Variants in PPM1G observed in about 807,000 individuals in gnomAD.
PPM1G encodes the protein protein phosphatase, Mg2+/Mn2+ dependent 1G.
A neutral mutation model predicts 59.4 loss-of-function variants in PPM1G; 12 were observed. The ratio of observed to expected loss-of-function variants is 0.20; its 90% CI spans 0.13 to 0.33. The LOEUF (loss-of-function observed/expected upper bound fraction) is 0.33, where lower values mean the gene tolerates loss of function less well. PPM1G is among the 10% of genes least tolerant of loss of function. PPM1G has a pLI of 1.00. For missense variants in PPM1G, 392 were observed against 681.3 expected (o/e 0.58, Z 4.73); for synonymous variants, 245 against 251.9 (o/e 0.97, Z 0.26).
Position 27,382,046 on chromosome 2 carries a change from T to C in PPM1G, c.1434+80A>G, listed in dbSNP as rs147568369. ...AGCAATTACTGATAATGCTCCCAGA[T>C]TGCCGACTTAGCTCAGATTAAAAGA... On this transcript the variant is annotated intron_variant, in intron 9 of 9. Transcript: ENST00000344034. This position sits in a 1 kb window ranked among gnomAD's most constrained non-coding sequence, Gnocchi z 4.2. 53 of 1,390,946 alleles carry C rather than the reference T, an allele frequency of 3.8e-5. No individual in the cohort carries two copies. The Admixed American group carries it at 4.0e-4, about 11-fold the overall frequency. The allele number at this position is 1,390,946 out of a possible 1,614,324, so 86.2% of individuals were successfully genotyped here.
chr2:27,382,132 C>T lies in PPM1G; in HGVS notation c.1428G>A (p.Val476=). 1 of 1,613,938 alleles carries T rather than the reference C, an allele frequency of 6.2e-7. No homozygotes were observed. The highest frequency in any genetic ancestry group is 1.1e-5 in the South Asian group (1 of 91,078). ...NGELRLLSSI[V]EELLDQCLAP... Reference sequence around the variant, plus strand: ...TCTCCACCCTGGTACTCACCTCTTCCACAATGGATGACAATAACCGAAGCT... The same window carrying T: ...TCTCCACCCTGGTACTCACCTCTTCTACAATGGATGACAATAACCGAAGCT... Residue 476 remains valine (V), a synonymous_variant, in exon 9 of 10, where the codon GTG becomes GTA. Coordinates refer to ENST00000344034, the MANE Select transcript of PPM1G (RefSeq NM_177983.3). This position sits in a 1 kb window ranked among gnomAD's most constrained non-coding sequence, Gnocchi z 4.2.
At chr2:27,392,880 G>T in intron 1 of PPM1G, 1 of 1,432,366 alleles carries the variant, frequency 7.0e-7, no homozygotes, top group Non-Finnish European at 9.7e-7. Flanking sequence ...TGTTGGTCAC[G>T]TGGTCACCCA....
chr2:27,387,970 T>C (rs180909618), intron 1 of PPM1G, among the ~76,000 whole-genome samples: 4 of 152,062 alleles, frequency 2.6e-5, no homozygotes, highest in Admixed American at 2.0e-4. Flanking sequence ...GGCTAATTTT[T>C]TGTATTTTTA....
In PPM1G at chr2:27,384,383, C is replaced by G. The variant is rs556037626; in HGVS notation, c.825+290G>C. ...AAAATAAATTTTCCAGAGAAGAAAACAGTCAACTAGCCAAGGTAACAACTA... is the reference window on the plus strand; with the variant it reads ...AAAATAAATTTTCCAGAGAAGAAAAGAGTCAACTAGCCAAGGTAACAACTA... On this transcript the variant is annotated intron_variant, in intron 5 of 9. Coordinates refer to ENST00000344034, the MANE Select transcript of PPM1G (RefSeq NM_177983.3). This position sits in a 1 kb window ranked among gnomAD's most constrained non-coding sequence, Gnocchi z 4.8. 6.6e-6 allele frequency among the ~76,000 whole-genome samples: 1 copy of G among 152,204 alleles called. No homozygotes were observed. Among genetic ancestry groups the G allele is most frequent in the African/African-American group, 2.4e-5 (1 of 41,446 alleles).
chr2:27,399,173 A>AACAACAACAACAAC (rs1278435300), intron 1 of PPM1G, among the ~76,000 whole-genome samples: 41 of 99,938 alleles, frequency 4.1e-4, no homozygotes, highest in African/African-American at 1.8e-3. Context: ...ACAACAACAA[A>AACAACAACAACAAC]AACAAAACAA....
Position 27,385,581 on chromosome 2 carries a change from C to T in PPM1G, c.409+166G>A, listed in dbSNP as rs1173808048. The T allele has an allele frequency of 1.1e-5, 9 of 836,910 alleles. No individual in the cohort carries two copies. Among genetic ancestry groups the T allele is most frequent in the Admixed American group, 3.1e-5 (1 of 32,072 alleles). The allele number at this position is 836,910 out of a possible 1,614,324, so 51.8% of individuals were successfully genotyped here. A position where few individuals can be genotyped will look rare whatever the true frequency, so the allele number is the denominator to read the frequency against. ...GCCACTCAACGAAGATAATTCTCTCCCTCCTTTTCATAACCACATACAATG... is the reference window on the plus strand; with the variant it reads ...GCCACTCAACGAAGATAATTCTCTCTCTCCTTTTCATAACCACATACAATG... On this transcript the variant is annotated intron_variant, in intron 4 of 9. Transcript: ENST00000344034. This position sits in a 1 kb window ranked among gnomAD's most constrained non-coding sequence, Gnocchi z 4.1.
Position 27,382,784 on chromosome 2 carries a change from C to A in PPM1G, c.1202-179G>T, listed in dbSNP as rs962167727. 2.6e-5 allele frequency among the ~76,000 whole-genome samples: 4 copies of A among 151,982 alleles called. No homozygotes were observed. Among genetic ancestry groups the A allele is most frequent in the African/African-American group, 9.7e-5 (4 of 41,380 alleles). The stretch of plus-strand genomic sequence containing the variant: ...TCAACCCTGCCACCAGACTGCTGAA[C>A]CTTAAGAAAGTCACTCACTGGTCTT... On this transcript the variant is annotated intron_variant, in intron 7 of 9. Coordinates refer to ENST00000344034, the MANE Select transcript of PPM1G (RefSeq NM_177983.3). This position sits in a 1 kb window ranked among gnomAD's most constrained non-coding sequence, Gnocchi z 4.2.
chr2:27,386,710 A>G, intron 2 of PPM1G: 1 of 181,808 alleles, frequency 5.5e-6, no homozygotes, highest in Non-Finnish European at 1.2e-5. Context: ...GCCCACCACT[A>G]CGCCCAGCTA....
rs1683686803 is a variant in PPM1G, at chr2:27,383,312, G to A, written c.1201+54C>T. ...GAAGATTAAAGTTTGCTACTAGGTA[G>A]TCTGGGACAGAGAGAAAGACCCTAG... On this transcript the variant is annotated intron_variant, in intron 7 of 9. Coordinates refer to ENST00000344034, the MANE Select transcript of PPM1G (RefSeq NM_177983.3). This position sits in a 1 kb window ranked among gnomAD's most constrained non-coding sequence, Gnocchi z 5.0. 1 of 1,535,952 alleles carries A rather than the reference G, an allele frequency of 6.5e-7. No homozygotes were observed. Among genetic ancestry groups the A allele is most frequent in the South Asian group, 1.1e-5 (1 of 89,002 alleles).
chr2:27,385,176 C>T lies in PPM1G; in HGVS notation c.410-88G>A, dbSNP rs1221061196. ...ACTACCTCAACAGCCCTTGCAGCCT[C>T]TAACTTCCCCACAACCTCCCACTCC... On this transcript the variant is annotated intron_variant, in intron 4 of 9. Coordinates refer to ENST00000344034, the MANE Select transcript of PPM1G (RefSeq NM_177983.3). The surrounding 1 kb of genome is among the most constrained non-coding windows in gnomAD (Gnocchi z 4.1). 1.5e-5 allele frequency: 22 copies of T among 1,434,366 alleles called. No individual in the cohort carries two copies. Among genetic ancestry groups the T allele is most frequent in the Admixed American group, 9.5e-5 (4 of 41,910 alleles). 88.9% of individuals were successfully genotyped at this position (1,434,366 alleles called of 1,614,324 possible).
At position 27,382,054 on chromosome 2, in the gene PPM1G, T is replaced by G. The variant is rs899187360; in HGVS notation, c.1434+72A>C. 1.4e-6 allele frequency: 2 copies of G among 1,464,646 alleles called. No individual in the cohort carries two copies. The highest frequency in any genetic ancestry group is 1.9e-6 in the Non-Finnish European group (2 of 1,047,390). 90.7% of individuals were successfully genotyped at this position (1,464,646 alleles called of 1,614,324 possible). A position where few individuals can be genotyped will look rare whatever the true frequency, so the allele number is the denominator to read the frequency against. ...CTGATAATGCTCCCAGATTGCCGAC[T>G]TAGCTCAGATTAAAAGAGTGAACCC... On this transcript the variant is annotated intron_variant, in intron 9 of 9. Coordinates refer to ENST00000344034, the MANE Select transcript of PPM1G (RefSeq NM_177983.3). This position sits in a 1 kb window ranked among gnomAD's most constrained non-coding sequence, Gnocchi z 4.2.
At chr2:27,400,890 T>C (rs559794509) in intron 1 of PPM1G, among the ~76,000 whole-genome samples, 1 of 152,192 alleles carries the variant, frequency 6.6e-6, no homozygotes, top group Non-Finnish European at 1.5e-5. Flanking sequence ...CACTGGAGCC[T>C]GAACCATCCT....
At chr2:27,395,252 A>G (rs1684021786) in intron 1 of PPM1G, among the ~76,000 whole-genome samples, 1 of 145,654 alleles carries the variant, frequency 6.9e-6, no homozygotes, top group Non-Finnish European at 1.5e-5. Context: ...AAAAAAAAAG[A>G]AAGAAAGAAA....
chr2:27,381,708 G>A lies in PPM1G; in HGVS notation c.1532C>T (p.Ala511Val), dbSNP rs777830450. Reference protein sequence around the residue: ...IIICFKPRNTAELQPESGKRK... With the variant: ...IIICFKPRNTVELQPESGKRK... The stretch of plus-strand genomic sequence containing the variant: ...CTTGCCACTCTCTGGCTGGAGCTCT[G>A]CTGTGTTTCGGGGCTTGAAGCAAAT... Residue 511 changes from alanine to valine, a missense_variant, in exon 10 of 10, where the codon GCA becomes GTA. Coordinates refer to ENST00000344034, the MANE Select transcript of PPM1G (RefSeq NM_177983.3). The A allele has an allele frequency of 1.2e-5, 19 of 1,614,026 alleles. No individual in the cohort carries two copies. Among genetic ancestry groups the A allele is most frequent in the Non-Finnish European group, 1.5e-5 (18 of 1,180,026 alleles).
chr2:27,389,973 C>G (rs1647280), intron 1 of PPM1G, among the ~76,000 whole-genome samples: 148,925 of 152,216 alleles, frequency 0.98, 72,866 homozygotes, highest in East Asian at 1. Context: ...ATCTCTAAAA[C>G]AAAACAAAGT....
At chr2:27,402,261 T>A (rs781700259) in intron 1 of PPM1G, among the ~76,000 whole-genome samples, 23 of 152,332 alleles carry the variant, frequency 1.5e-4, no homozygotes, top group Middle Eastern at 3.4e-3. Flanking sequence ...TGTTTCCAGA[T>A]AATACAATGT....
intron 1 of PPM1G, among the ~76,000 whole-genome samples, chr2:27,400,209 C>A (rs1684150359): frequency 6.6e-6 from 1 of 151,910 alleles, no homozygotes; most frequent in East Asian, 1.9e-4. Flanking sequence ...CCGCCCTGGG[C>A]AACACAGCGA....
intron 1 of PPM1G, among the ~76,000 whole-genome samples, chr2:27,408,146 GT>G (rs1663424424): frequency 6.6e-6 from 1 of 152,038 alleles, no homozygotes; most frequent in African/African-American, 2.4e-5. Flanking sequence ...ATTAAGGTCA[GT>G]TATGAATATA....
intron 1 of PPM1G, among the ~76,000 whole-genome samples, chr2:27,401,853 A>G (rs1008188440): frequency 2.6e-5 from 4 of 152,072 alleles, no homozygotes; most frequent in Admixed American, 2.6e-4. Flanking sequence ...AAGAAAAAAA[A>G]GAAAATATAC....
Sources: gnomAD v4.1 joint callset for allele counts (sites outside exome capture counted in the v4.1 genomes callset) on GRCh38, gnomAD v4.1.1 for gene constraint, Gnocchi (gnomAD v3.1) non-coding constraint, MANE v1.5 for transcripts, NCBI Gene and HGNC (gene_info 2026-07-23, HGNC 2026-07-21) for gene names.